Variants in FAM161B observed in about 807,000 individuals in gnomAD.
FAM161B encodes the protein FAM161 centrosomal protein B.
In FAM161B, 46 loss-of-function variants were observed where a neutral mutation model predicts 61.5. The observed-to-expected ratio is 0.75, with a 90% confidence interval of 0.59 to 0.96. The LOEUF is 0.96. FAM161B is among the 40% of genes least tolerant of loss of function. The probability of loss-of-function intolerance (pLI) is 0.00; values close to 1 mark genes in which losing one functional copy is unlikely to be tolerated. For synonymous variants in FAM161B, 284 were observed against 302.7 expected, an observed-to-expected ratio of 0.94 and a Z score of 0.64; for missense variants, 774 against 800.7, an observed-to-expected ratio of 0.97 and a Z score of 0.40.
intron 3 of FAM161B, 78 bp downstream of exon 3, chr14:73,944,257 C>T (rs1352633060): frequency 2.6e-6 from 4 of 1,517,018 alleles, no homozygotes; most frequent in African/African-American, 1.4e-5. Context: ...CAGGCAGATC[C>T]CTGGGCCCTG....
chr14:73,936,406 G>A (rs2055971184), intron 7 of FAM161B, among the ~76,000 whole-genome samples: 1 of 152,042 alleles, frequency 6.6e-6, no homozygotes. Context: ...TTAGACTTTT[G>A]GGAGACAAAT....
chr14:73,931,410 C>T, downstream of FAM161B: 5 of 1,130,166 alleles, frequency 4.4e-6, no homozygotes, highest in South Asian at 6.7e-5. Flanking sequence ...GTAGTGCATT[C>T]TCCATCCTCC....
At position 73,946,528 on chromosome 14, in the gene FAM161B, G is replaced by A; in HGVS notation, c.132C>T (p.Ala44=). ...LSGDGLVLPR[A]SKLDEFLSPE... Reference sequence around the variant, plus strand: ...GGCTGAGGAACTCGTCAAGTTTGCTGGCCCTGGGCAAAACCAGCCCATCCC... The same window carrying A: ...GGCTGAGGAACTCGTCAAGTTTGCTAGCCCTGGGCAAAACCAGCCCATCCC... Residue 44 remains alanine, a synonymous_variant, in exon 2 of 9, where the codon GCC becomes GCT. Coordinates refer to ENST00000286544, the MANE Select transcript of FAM161B (RefSeq NM_152445.3). The A allele has an allele frequency of 6.2e-7, 1 of 1,614,142 alleles. No homozygotes were observed. Among genetic ancestry groups the A allele is most frequent in the South Asian group, 1.1e-5 (1 of 91,084 alleles).
At chr14:73,949,890 C>A (rs2140354255) in intron 1 of FAM161B, 83 bp downstream of exon 1, 2 of 1,567,442 alleles carry the variant, frequency 1.3e-6, no homozygotes, top group Non-Finnish European at 1.7e-6. Flanking sequence ...GTGACACGCC[C>A]CTGCTGTCTG....
chr14:73,924,408 G>A, the FAM161B span, among the ~76,000 whole-genome samples: 1 of 152,150 alleles, frequency 6.6e-6, no homozygotes, highest in Non-Finnish European at 1.5e-5. Context: ...ATGGCCTGGG[G>A]GTTGGTGACT....
chr14:73,923,525 A>G, the FAM161B span: 1 of 1,611,894 alleles, frequency 6.2e-7, no homozygotes, highest in African/African-American at 1.3e-5. Context: ...CACAAGAGGT[A>G]AAGTGGTCTC....
chr14:73,931,525 C>T (rs1226422934), downstream of FAM161B: 1 of 1,607,284 alleles, frequency 6.2e-7, no homozygotes, highest in Non-Finnish European at 8.5e-7. Context: ...GGAGATTTAA[C>T]TGAAAGACGG....
At chr14:73,939,362 A>G (rs934147581) in intron 5 of FAM161B, among the ~76,000 whole-genome samples, 4 of 152,240 alleles carry the variant, frequency 2.6e-5, no homozygotes. Context: ...GCCTATCTGG[A>G]TACAAAATAA....
intron 6 of FAM161B, 84 bp from the exon 7 acceptor site, chr14:73,937,785 C>G: frequency 6.5e-7 from 1 of 1,531,798 alleles, no homozygotes; most frequent in Non-Finnish European, 9.0e-7. Context: ...GTGTAACTCT[C>G]GTGTACACTG....
chr14:73,931,603 C>A, downstream of FAM161B: 2 of 1,500,012 alleles, frequency 1.3e-6, no homozygotes, highest in Non-Finnish European at 9.3e-7. Context: ...ATACTGGGAA[C>A]AGGATGCCTT....
downstream of FAM161B, chr14:73,931,895 C>A: frequency 6.6e-6 from 3 of 454,090 alleles, no homozygotes; most frequent in Non-Finnish European, 4.4e-6. Context: ...GTTTTCATCC[C>A]AGACTCAGCT....
intron 5 of FAM161B, among the ~76,000 whole-genome samples, chr14:73,938,553 A>G (rs1336401760): frequency 6.6e-6 from 1 of 151,976 alleles, no homozygotes; most frequent in Admixed American, 6.6e-5. Flanking sequence ...CGGGCGGATC[A>G]CAAGGTCAGG....
the FAM161B span, chr14:73,923,529 T>C: frequency 1.2e-6 from 2 of 1,611,498 alleles, no homozygotes; most frequent in Non-Finnish European, 1.7e-6. Context: ...AGAGGTAAAG[T>C]GGTCTCTTGC....
chr14:73,937,451 A>T, intron 7 of FAM161B, 151 bp downstream of exon 7: 1 of 663,396 alleles, frequency 1.5e-6, no homozygotes, highest in Non-Finnish European at 2.6e-6. Flanking sequence ...TCTCTATTGT[A>T]CTATTTATTT....
intron 5 of FAM161B, among the ~76,000 whole-genome samples, chr14:73,939,020 C>T (rs1006971132): frequency 1.3e-5 from 2 of 151,910 alleles, no homozygotes; most frequent in Admixed American, 6.6e-5. Context: ...TTACTTAGGT[C>T]GGGCACGGTG....
At chr14:73,942,292 G>T in intron 4 of FAM161B, 77 bp downstream of exon 4, 1 of 1,426,598 alleles carries the variant, frequency 7.0e-7, no homozygotes, top group Non-Finnish European at 9.5e-7. Flanking sequence ...GTTGAGAAGT[G>T]CTTTCCAGGA....
chr14:73,946,279 G>A lies in FAM161B; in HGVS notation c.374+7C>T. ...AGTGAGGCAGCCGTGGAGCTGCAGTGCCTTACCTCAGAGCCTGCGGGCACT... is the reference window on the plus strand; with the variant it reads ...AGTGAGGCAGCCGTGGAGCTGCAGTACCTTACCTCAGAGCCTGCGGGCACT... On this transcript the variant is annotated splice_region_variant and intron_variant, in intron 2 of 8. Transcript: ENST00000286544. 6.2e-7 allele frequency: 1 copy of A among 1,609,858 alleles called. No homozygotes were observed. The highest frequency in any genetic ancestry group is 8.5e-7 in the Non-Finnish European group (1 of 1,177,252).
At chr14:73,931,332 G>T (rs1005498209), downstream of FAM161B, among the ~76,000 whole-genome samples, 2 of 152,262 alleles carry the variant, frequency 1.3e-5, no homozygotes, top group African/African-American at 4.8e-5. Flanking sequence ...GCTGTCCCAA[G>T]GCCACAGTGA....
downstream of FAM161B, chr14:73,932,196 T>C: frequency 5.9e-6 from 2 of 339,654 alleles, no homozygotes; most frequent in Non-Finnish European, 5.7e-6. Context: ...AAGAGGGATT[T>C]CATGTTTTTG....
Sources: gnomAD v4.1 joint callset for allele counts (sites outside exome capture counted in the v4.1 genomes callset) on GRCh38, gnomAD v4.1.1 for gene constraint, MANE v1.5 for transcripts, NCBI Gene and HGNC (gene_info 2026-07-23, HGNC 2026-07-21) for gene names.